NECAB1: variants seen among roughly 807,000 people sequenced by gnomAD.
NECAB1 encodes N-terminal EF-hand calcium binding protein 1, also known as N-terminal EF-hand calcium-binding protein 1.
Under a neutral mutation model 57.5 loss-of-function variants are expected in NECAB1, and 29 were observed. That is an observed-to-expected ratio of 0.50 (90% CI 0.38 to 0.69). The LOEUF is 0.69. NECAB1 is among the 30% of genes least tolerant of loss of function. The probability of loss-of-function intolerance (pLI) is 0.00; values close to 1 mark genes in which losing one functional copy is unlikely to be tolerated. For synonymous variants in NECAB1, 142 were observed against 147.7 expected (o/e 0.96, Z 0.28); for missense variants, 372 against 413.8 (o/e 0.90, Z 0.88).
chr8:90,878,471 C>T (rs1808770235), intron 4 of NECAB1, among the ~76,000 whole-genome samples: 1 of 152,138 alleles, frequency 6.6e-6, no homozygotes, highest in Admixed American at 6.5e-5. Context: ...TTGGAGCCCC[C>T]TTGCCTTGAC....
At chr8:90,840,713 G>T (rs567203264) in intron 3 of NECAB1, among the ~76,000 whole-genome samples, 2 of 152,108 alleles carry the variant, frequency 1.3e-5, no homozygotes, top group Admixed American at 1.3e-4. Context: ...GTTTGACTGC[G>T]GTCTTAGAGT....
At chr8:90,843,352 C>T (rs1348947075) in intron 3 of NECAB1, among the ~76,000 whole-genome samples, 1 of 152,150 alleles carries the variant, frequency 6.6e-6, no homozygotes, top group South Asian at 2.1e-4. Flanking sequence ...TCTCTTTCCC[C>T]CCATCATATA....
chr8:90,873,941 C>A (rs1808665917), intron 4 of NECAB1, among the ~76,000 whole-genome samples: 1 of 152,100 alleles, frequency 6.6e-6, no homozygotes, highest in African/African-American at 2.4e-5. Flanking sequence ...ATGATTTTCC[C>A]CCTATAGCTT....
chr8:90,937,843 G>A (rs956465545), intron 9 of NECAB1, among the ~76,000 whole-genome samples: 3 of 152,158 alleles, frequency 2.0e-5, no homozygotes, highest in South Asian at 2.1e-4. Flanking sequence ...ATATAAAATC[G>A]ACGGATAATG....
chr8:90,852,015 A>G lies in NECAB1; in HGVS notation c.234-20113A>G, dbSNP rs111292972. On this transcript the variant is annotated intron_variant, in intron 3 of 12. Coordinates refer to ENST00000417640, the MANE Select transcript of NECAB1 (RefSeq NM_022351.5). The stretch of plus-strand genomic sequence containing the variant: ...CAGGCTCCAATGTCACCTTCACTAA[A>G]ATGAGTTAAAATGAATCAATATAAT... 1.9e-3 allele frequency among the ~76,000 whole-genome samples: 295 copies of G among 152,260 alleles called. 1 individual carries two copies. Among genetic ancestry groups the G allele is most frequent in the African/African-American group, 6.9e-3 (286 of 41,542 alleles).
At chr8:90,883,587 A>G (rs1335772612) in intron 5 of NECAB1, among the ~76,000 whole-genome samples, 1 of 152,104 alleles carries the variant, frequency 6.6e-6, no homozygotes, top group Non-Finnish European at 1.5e-5. Context: ...TTAGCTGCCT[A>G]CCTTAAACTC....
At chr8:90,954,945 A>G (rs933924756) in intron 12 of NECAB1, among the ~76,000 whole-genome samples, 1 of 147,298 alleles carries the variant, frequency 6.8e-6, no homozygotes, top group Non-Finnish European at 1.5e-5. Flanking sequence ...ATGTATACAT[A>G]CATGTATACA....
intron 5 of NECAB1, among the ~76,000 whole-genome samples, chr8:90,895,966 T>C (rs906360261): frequency 6.6e-6 from 1 of 152,224 alleles, no homozygotes; most frequent in African/African-American, 2.4e-5. Flanking sequence ...TTTTTCAAGT[T>C]ACTCATTTTA....
chr8:90,879,544 G>A (rs1808799157), intron 4 of NECAB1, among the ~76,000 whole-genome samples: 1 of 152,100 alleles, frequency 6.6e-6, no homozygotes, highest in Admixed American at 6.6e-5. Context: ...TAAAAATGAA[G>A]TAACAGCTTC....
intron 1 of NECAB1, among the ~76,000 whole-genome samples, chr8:90,800,507 G>A (rs528749821): frequency 6.6e-6 from 1 of 152,236 alleles, no homozygotes; most frequent in South Asian, 2.1e-4. Flanking sequence ...TCAATGCCTA[G>A]TTTGTTCAGA....
intron 5 of NECAB1, among the ~76,000 whole-genome samples, chr8:90,906,883 A>ATATATATATATATATATATATATGTATG (rs1809672713): frequency 5.0e-5 from 4 of 80,758 alleles, no homozygotes; most frequent in African/African-American, 1.4e-4. Flanking sequence ...ACACATATAT[A>ATATATATATATATATATATATATGTATG]TATATATATA....
chr8:90,794,148 T>G (rs528449805), intron 1 of NECAB1, among the ~76,000 whole-genome samples: 1 of 152,338 alleles, frequency 6.6e-6, no homozygotes, highest in East Asian at 1.9e-4. Context: ...TGGAAAAGAT[T>G]TTGTTTACAC....
At chr8:90,947,270 T>A (rs993903942) in intron 10 of NECAB1, among the ~76,000 whole-genome samples, 3 of 133,600 alleles carry the variant, frequency 2.2e-5, no homozygotes, top group African/African-American at 9.6e-5. Flanking sequence ...ATAAAAGTGA[T>A]ACTTTCCTTT....
chr8:90,908,836 T>C (rs1171564087), intron 5 of NECAB1, among the ~76,000 whole-genome samples: 3 of 152,160 alleles, frequency 2.0e-5, no homozygotes, highest in Admixed American at 2.0e-4. Flanking sequence ...CTTCTAGTAG[T>C]CACTTCCTTG....
At chr8:90,918,061 G>T (rs1232686719) in intron 6 of NECAB1, among the ~76,000 whole-genome samples, 1 of 149,470 alleles carries the variant, frequency 6.7e-6, no homozygotes, top group Admixed American at 6.7e-5. Flanking sequence ...CCAGGCTTGA[G>T]TGCAGTGGCA....
chr8:90,863,862 T>TAAACTAGCTAATG (rs960005162), intron 3 of NECAB1, among the ~76,000 whole-genome samples: 1 of 152,272 alleles, frequency 6.6e-6, no homozygotes, highest in African/African-American at 2.4e-5. Context: ...TTATTCCATA[T>TAAACTAGCTAATG]TGTGCTAATG....
chr8:90,826,535 C>CGGCTTAGGTGTTGGA (rs1378047584), intron 3 of NECAB1, among the ~76,000 whole-genome samples: 1 of 151,848 alleles, frequency 6.6e-6, no homozygotes, highest in East Asian at 1.9e-4. Flanking sequence ...GCTCCCCTTG[C>CGGCTTAGGTGTTGGA]GGCTTAGGTG....
At chr8:90,856,905 A>C (rs1052976754) in intron 3 of NECAB1, among the ~76,000 whole-genome samples, 2 of 152,196 alleles carry the variant, frequency 1.3e-5, no homozygotes, top group African/African-American at 4.8e-5. Flanking sequence ...AACTTTTAGA[A>C]TGAACAAAAG....
At chr8:90,884,362 C>T (rs1808919685) in intron 5 of NECAB1, among the ~76,000 whole-genome samples, 1 of 152,140 alleles carries the variant, frequency 6.6e-6, no homozygotes, top group South Asian at 2.1e-4. Flanking sequence ...GCATCTGGGC[C>T]TCCCAGGGCT....
Sources: gnomAD v4.1 joint callset for allele counts (sites outside exome capture counted in the v4.1 genomes callset) on GRCh38, gnomAD v4.1.1 for gene constraint, MANE v1.5 for transcripts, NCBI Gene and HGNC (gene_info 2026-07-23, HGNC 2026-07-21) for gene names.